Variants in PRSS23 observed in about 807,000 individuals in gnomAD.
PRSS23 encodes serine protease 23.
PRSS23 carries 25 observed loss-of-function variants against 34.7 expected under a neutral mutation model. The observed-to-expected ratio is 0.72, with a 90% CI of 0.53 to 1.01. PRSS23 has a LOEUF of 1.01. Among genes scored for constraint, PRSS23 ranks in the 50% least tolerant of loss-of-function variants. The pLI is 0.00. For missense variants in PRSS23, 445 were observed against 475.6 expected (o/e 0.94, Z 0.60); for synonymous variants, 176 against 186.6 (o/e 0.94, Z 0.46).
chr11:86,807,688 C>G lies in PRSS23; in HGVS notation c.45C>G (p.Leu15=), dbSNP rs539233302. The G allele has an allele frequency of 1.9e-6, 3 of 1,614,010 alleles. No individual in the cohort carries two copies. Among genetic ancestry groups the G allele is most frequent in the East Asian group, 2.2e-5 (1 of 44,874 alleles). ...TCCTCTTCCTTCTCTTCTTTCTGCT[C>G]TGTGCTGTTGGGCAAGTGAGCCCTT... ...PGLLFLLFFL[L]CAVGQVSPYS... Residue 15 remains leucine, a synonymous_variant, in exon 2 of 2, where the codon CTC becomes CTG. Transcript: ENST00000280258.
rs1443433110 is a variant in PRSS23 at position 86,833,550 on chromosome 11, A to G, written c.206+9957A>G. 4 of 250,034 alleles carry G rather than the reference A, an allele frequency of 1.6e-5. No homozygotes were observed. The South Asian group carries it at 1.8e-4, about 11-fold the overall frequency. The allele number at this position is 250,034 out of a possible 1,614,324, so 15.5% of individuals were successfully genotyped here. ...GCTCCCATACAAAGGGAGGGGATCCATAGAGGGTAGCCATTGCTGGCTCGA... is the reference window on the plus strand; with the variant it reads ...GCTCCCATACAAAGGGAGGGGATCCGTAGAGGGTAGCCATTGCTGGCTCGA... On this transcript the variant is annotated intron_variant, in intron 2 of 2. Coordinates refer to the PRSS23 transcript ENST00000533902.
In PRSS23 at chr11:86,808,009, A is replaced by G; in HGVS notation, c.366A>G (p.Gly122=). The part of the protein sequence containing the change: ...GAQHRDSGSS[G]KSRRKRQIYG... Reference sequence around the variant, plus strand: ...AACACCGAGACTCAGGGTCTTCAGGAAAGTCTCGAAGGAAGCGGCAGATTT... The same window carrying G: ...AACACCGAGACTCAGGGTCTTCAGGGAAGTCTCGAAGGAAGCGGCAGATTT... The change falls in exon 2 of 2, where the codon GGA becomes GGG. Residue 122 remains glycine (G), a synonymous_variant. Coordinates refer to ENST00000280258, the MANE Select transcript of PRSS23 (RefSeq NM_007173.6). 6.2e-7 allele frequency: 1 copy of G among 1,613,940 alleles called. No individual in the cohort carries two copies.
chr11:86,863,079 A>G (rs777664958), intron 2 of PRSS23, among the ~76,000 whole-genome samples: 5 of 152,068 alleles, frequency 3.3e-5, no homozygotes, highest in African/African-American at 7.2e-5. Flanking sequence ...CTAGAAAGCT[A>G]TTACTCCTAA....
intron 2 of PRSS23, among the ~76,000 whole-genome samples, chr11:86,829,833 G>C (rs986416315): frequency 6.6e-6 from 1 of 152,218 alleles, no homozygotes; most frequent in African/African-American, 2.4e-5. Flanking sequence ...GCTGCTGTCT[G>C]ATCGTTCCTC....
chr11:86,951,990 T>A, exon 3 of PRSS23: 1 of 1,614,070 alleles, frequency 6.2e-7, no homozygotes, highest in Non-Finnish European at 8.5e-7. Flanking sequence ...CTGAGAAATA[T>A]GATGGGGCGC....
intron 2 of PRSS23, among the ~76,000 whole-genome samples, chr11:86,908,159 C>A (rs1050065483): frequency 2.0e-4 from 31 of 152,156 alleles, no homozygotes; most frequent in African/African-American, 7.2e-4. Flanking sequence ...GTGAATAATG[C>A]TGCAATGAAC....
intron 2 of PRSS23, among the ~76,000 whole-genome samples, chr11:86,868,568 G>A (rs1164318360): frequency 1.3e-5 from 2 of 152,118 alleles, no homozygotes; most frequent in African/African-American, 4.8e-5. Context: ...CTCCTTCCCA[G>A]TCTCCCTTTG....
chr11:86,852,126 G>A (rs1297617187), intron 2 of PRSS23, among the ~76,000 whole-genome samples: 2 of 152,178 alleles, frequency 1.3e-5, no homozygotes, highest in Admixed American at 6.5e-5. Flanking sequence ...GCTGGGCCAT[G>A]ACCACGGAGA....
At chr11:86,827,916 A>G (rs185869132) in intron 2 of PRSS23, among the ~76,000 whole-genome samples, 65 of 152,308 alleles carry the variant, frequency 4.3e-4, no homozygotes, top group African/African-American at 1.4e-3. Context: ...ACTTCCAACT[A>G]TGTGACCAAT....
chr11:86,826,135 T>G (rs1400049563), intron 2 of PRSS23, among the ~76,000 whole-genome samples: 3 of 152,076 alleles, frequency 2.0e-5, no homozygotes, highest in African/African-American at 7.2e-5. Flanking sequence ...TTCCATTTGT[T>G]TGTATCCTCT....
rs754822088 is a variant in PRSS23 at position 86,807,808 on chromosome 11, C to G, written c.165C>G (p.Ala55=). 3 of 1,613,936 alleles carry G rather than the reference C, an allele frequency of 1.9e-6. No homozygotes were observed. The highest frequency in any genetic ancestry group is 2.5e-6 in the Non-Finnish European group (3 of 1,180,030). ...ATTTAGCCAAGCCAGACTTTGGAGC[C>G]GAAGCCAAATTAGAAGTATCTTCTT... The part of the protein sequence containing the change: ...TLNLAKPDFG[A]EAKLEVSSSC... Residue 55 remains alanine (A), a synonymous_variant, in exon 2 of 2, where the codon GCC becomes GCG. Transcript: ENST00000280258.
chr11:86,793,220 T>G (rs1171437714), intron 1 of PRSS23, among the ~76,000 whole-genome samples: 2 of 152,262 alleles, frequency 1.3e-5, no homozygotes, highest in Non-Finnish European at 2.9e-5. Flanking sequence ...TATGCAAGAC[T>G]TCTCAGAGTA....
At chr11:86,901,289 A>G (rs1056565408) in intron 2 of PRSS23, among the ~76,000 whole-genome samples, 3 of 152,186 alleles carry the variant, frequency 2.0e-5, no homozygotes, top group African/African-American at 7.2e-5. Flanking sequence ...TATCTACATT[A>G]TATACCAAGA....
chr11:86,840,798 T>G (rs1275685350), intron 2 of PRSS23, among the ~76,000 whole-genome samples: 1 of 152,150 alleles, frequency 6.6e-6, no homozygotes, highest in African/African-American at 2.4e-5. Context: ...AATTCAGGAT[T>G]AAGATACTCA....
intron 2 of PRSS23, among the ~76,000 whole-genome samples, chr11:86,836,170 T>C (rs563005219): frequency 2.0e-4 from 30 of 152,282 alleles, no homozygotes; most frequent in Admixed American, 9.8e-4. Flanking sequence ...AAGGGCCTCA[T>C]TGATAATCCT....
intron 2 of PRSS23, among the ~76,000 whole-genome samples, chr11:86,873,248 A>ACT (rs1555077249): frequency 1.9e-5 from 1 of 53,406 alleles, no homozygotes; most frequent in African/African-American, 9.0e-5. Flanking sequence ...ACACACACAC[A>ACT]TATATATGTA....
chr11:86,824,542 A>G (rs1452956573), intron 2 of PRSS23, among the ~76,000 whole-genome samples: 1 of 150,606 alleles, frequency 6.6e-6, no homozygotes, highest in Non-Finnish European at 1.5e-5. Flanking sequence ...GGTTAGTTAC[A>G]TATGTATACA....
chr11:86,939,431 T>TTTTTTTAAAATATATATATATATATA (rs1555084022), intron 2 of PRSS23, among the ~76,000 whole-genome samples: 1 of 141,750 alleles, frequency 7.1e-6, no homozygotes, highest in Non-Finnish European at 1.5e-5. Flanking sequence ...TATATATTTT[T>TTTTTTTAAAATATATATATATATATA]TAACATGAGT....
chr11:86,922,546 T>C (rs1390864447), intron 2 of PRSS23, among the ~76,000 whole-genome samples: 1 of 152,164 alleles, frequency 6.6e-6, no homozygotes, highest in African/African-American at 2.4e-5. Flanking sequence ...GAAGATTAAA[T>C]GAGACAATAC....
Sources: allele counts gnomAD v4.1 joint callset (sites outside exome capture counted in the v4.1 genomes callset), GRCh38; gene constraint gnomAD v4.1.1; transcripts MANE v1.5; gene names NCBI Gene and HGNC (gene_info 2026-07-23, HGNC 2026-07-21).